DHX38: variants seen among roughly 807,000 people sequenced by gnomAD.
DHX38 encodes the protein pre-mRNA-splicing factor ATP-dependent RNA helicase PRP16.
A neutral mutation model predicts 153.1 loss-of-function variants in DHX38; 100 were observed. The ratio of observed to expected loss-of-function variants is 0.65; its 90% CI spans 0.56 to 0.77. The LOEUF (loss-of-function observed/expected upper bound fraction) is 0.77, where lower values mean the gene tolerates loss of function less well. DHX38 is among the 30% of genes least tolerant of loss of function. The pLI is 0.00. For synonymous variants in DHX38, 650 were observed against 631.7 expected (o/e 1.03, Z -0.43); for missense variants, 1,440 against 1,654.0 (o/e 0.87, Z 2.24).
rs1250200192 is a variant in DHX38, at chr16:72,107,205, G to T, written c.2601-135G>T. On this transcript the variant is annotated intron_variant, in intron 19 of 26. Coordinates refer to ENST00000268482, the MANE Select transcript of DHX38 (RefSeq NM_014003.4). The surrounding 1 kb of genome is among the most constrained non-coding windows in gnomAD (Gnocchi z 5.3). The stretch of plus-strand genomic sequence containing the variant: ...ATTGGCAGATTGGAGTTTTGAATAG[G>T]TGGAAGTCAGTGATTCACTGAAGTA... 3.8e-5 allele frequency: 34 copies of T among 894,030 alleles called. No individual in the cohort carries two copies. The highest frequency in any genetic ancestry group is 5.4e-5 in the Non-Finnish European group (32 of 593,904). 55.4% of individuals were successfully genotyped at this position (894,030 alleles called of 1,614,324 possible).
At chr16:72,103,425 A>G (rs936147192) in intron 12 of DHX38, among the ~76,000 whole-genome samples, 177 bp from the exon 13 acceptor site, 1 of 152,244 alleles carries the variant, frequency 6.6e-6, no homozygotes, top group African/African-American at 2.4e-5. Context: ...ACCGTATTCC[A>G]GATGTTTCAG....
chr16:72,103,846 T>C, intron 13 of DHX38, 58 bp downstream of exon 13: 2 of 1,596,124 alleles, frequency 1.3e-6, no homozygotes, highest in South Asian at 1.1e-5. Context: ...CCACCCATTT[T>C]TGCTAAAGGG....
At chr16:72,100,623 A>G in intron 9 of DHX38, 26 bp downstream of exon 9, 2 of 1,611,166 alleles carry the variant, frequency 1.2e-6, no homozygotes, top group Non-Finnish European at 1.7e-6. Flanking sequence ...GGCCAGGGAC[A>G]AGACAGCTCA....
rs978633672 is a variant in DHX38, at chr16:72,107,933, C to T, written c.2964+134C>T. The T allele has an allele frequency of 2.7e-5, 36 of 1,336,582 alleles. No homozygotes were observed. The highest frequency in any genetic ancestry group is 1.0e-4 in the Admixed American group (4 of 39,624). 82.8% of individuals were successfully genotyped at this position (1,336,582 alleles called of 1,614,324 possible). A position where few individuals can be genotyped will look rare whatever the true frequency, so the allele number is the denominator to read the frequency against. ...TTCTGAAGAATGATTTTGCTGTTCT[C>T]GGTTAAGCAGGTTGGGGTAGGGGAA... On this transcript the variant is annotated intron_variant, in intron 21 of 26. Coordinates refer to ENST00000268482, the MANE Select transcript of DHX38 (RefSeq NM_014003.4). This position sits in a 1 kb window ranked among gnomAD's most constrained non-coding sequence, Gnocchi z 5.3.
intron 19 of DHX38, 40 bp downstream of exon 19, chr16:72,106,157 G>A (rs751884565): frequency 9.4e-6 from 15 of 1,598,992 alleles, no homozygotes; most frequent in East Asian, 2.2e-5. Context: ...GGGCAGCGCT[G>A]GGGTTGCTGA....
intron 24 of DHX38, 46 bp downstream of exon 24, chr16:72,108,971 G>C (rs753403577): frequency 1.3e-6 from 2 of 1,544,146 alleles, no homozygotes; most frequent in South Asian, 1.3e-5. Context: ...CCCCTGTCTG[G>C]CCAGGCTTTG....
chr16:72,099,189 C>G lies in DHX38; in HGVS notation c.884-15C>G, dbSNP rs1379982617. 6.2e-7 allele frequency: 1 copy of G among 1,604,538 alleles called. No individual in the cohort carries two copies. The highest frequency in any genetic ancestry group is 8.5e-7 in the Non-Finnish European group (1 of 1,175,932). On this transcript the variant is annotated splice_polypyrimidine_tract_variant and intron_variant, in intron 6 of 26. Transcript: ENST00000268482. ...GGCCAGGGCATGGACTGACCTGCTTCCTGTGCTCCTCCAGGAAGACGTGAG... is the reference window on the plus strand; with the variant it reads ...GGCCAGGGCATGGACTGACCTGCTTGCTGTGCTCCTCCAGGAAGACGTGAG...
chr16:72,100,581 T>C lies in DHX38; in HGVS notation c.1262T>C (p.Ile421Thr). 7 of 1,613,828 alleles carry C rather than the reference T, an allele frequency of 4.3e-6. No homozygotes were observed. The highest frequency in any genetic ancestry group is 5.9e-6 in the Non-Finnish European group (7 of 1,179,940). ...GTGCCTCCCTTTCTGGATGGGCGCA[T>C]TGTCTTCACCAAGCAGGTGAGGCTC... is the stretch of plus-strand genomic sequence containing the variant. The part of the protein sequence containing the change: ...NLVPPFLDGR[I>T]VFTKQPEPVI... Residue 421 changes from isoleucine (I) to threonine (T), a missense_variant, in exon 9 of 27, where the codon ATT becomes ACT. Ile to Thr is a moderately conservative substitution (Grantham distance 89). Coordinates refer to ENST00000268482, the MANE Select transcript of DHX38 (RefSeq NM_014003.4).
intron 18 of DHX38, 104 bp downstream of exon 18, chr16:72,105,728 C>A: frequency 8.7e-7 from 1 of 1,150,996 alleles, no homozygotes; most frequent in Non-Finnish European, 1.3e-6. Context: ...ATGTGGGGAG[C>A]GCGTGGAAGT....
At chr16:72,108,762 T>A (rs1216169378) in intron 23 of DHX38, 38 bp from the exon 24 acceptor site, 1 of 1,605,712 alleles carries the variant, frequency 6.2e-7, no homozygotes, top group Non-Finnish European at 8.5e-7. Context: ...ATGGGTGTTG[T>A]TTTCCTGATG....
chr16:72,101,579 A>C lies in DHX38; in HGVS notation c.1466A>C (p.Lys489Thr). Residue 489 changes from lysine to threonine, a missense_variant, in exon 11 of 27, where the codon AAA becomes ACA. Transcript: ENST00000268482. The part of the protein sequence containing the change: ...MGVKKEEEPD[K>T]AVTEDGKVDY... ...GTCAAGAAGGAGGAAGAGCCAGATA[A>C]AGCTGTGACGGAGGATGGGAAGGTG... is the stretch of plus-strand genomic sequence containing the variant. 6.4e-7 allele frequency: 1 copy of C among 1,551,950 alleles called. No individual in the cohort carries two copies. Among genetic ancestry groups the C allele is most frequent in the Non-Finnish European group, 8.7e-7 (1 of 1,147,138 alleles).
Position 72,101,435 on chromosome 16 carries a change from G to A in DHX38, c.1387-65G>A. On this transcript the variant is annotated intron_variant, in intron 10 of 26. Transcript: ENST00000268482. ...CGGGGTGAAGTCTGCTCTCCCGTGGGATTGATTTTCCATTGCTCGCAGTCA... is the reference window on the plus strand; with the variant it reads ...CGGGGTGAAGTCTGCTCTCCCGTGGAATTGATTTTCCATTGCTCGCAGTCA... 4.1e-6 allele frequency: 6 copies of A among 1,479,234 alleles called. No homozygotes were observed. The South Asian group carries it at 7.4e-5, about 18-fold the overall frequency. 91.6% of individuals were successfully genotyped at this position (1,479,234 alleles called of 1,614,324 possible). A position where few individuals can be genotyped will look rare whatever the true frequency, so the allele number is the denominator to read the frequency against.
In DHX38 at chr16:72,112,688, G is replaced by A; in HGVS notation, c.*191G>A. On this transcript the variant is annotated 3_prime_UTR_variant, in exon 27 of 27. Transcript: ENST00000268482. ...TGGAGTTCTTCCATGCAGGAGCACG[G>A]CATGGCGGGAGCGGGGCTGCAGAGT... is the stretch of plus-strand genomic sequence containing the variant. The A allele has an allele frequency of 1.4e-6, 1 of 726,006 alleles. No homozygotes were observed. Among genetic ancestry groups the A allele is most frequent in the Admixed American group, 2.0e-5 (1 of 50,044 alleles). The allele number at this position is 726,006 out of a possible 1,614,324, so 45.0% of individuals were successfully genotyped here. A position where few individuals can be genotyped will look rare whatever the true frequency, so the allele number is the denominator to read the frequency against.
chr16:72,103,798 C>T lies in DHX38; in HGVS notation c.1824+10C>T, dbSNP rs753004365. 1.3e-5 allele frequency: 21 copies of T among 1,607,242 alleles called. No homozygotes were observed. The highest frequency in any genetic ancestry group is 4.5e-5 in the East Asian group (2 of 44,680). ...AAACCTTGGCGAGGAGGTGAGTGGG[C>T]GTGGGGGCTGAGCCATGTAGTTATT... is the stretch of plus-strand genomic sequence containing the variant. On this transcript the variant is annotated intron_variant, in intron 13 of 26. Transcript: ENST00000268482.
Position 72,110,952 on chromosome 16 carries a change from A to G in DHX38, c.3478-4A>G. ...GCTCAGCCAGGTCTGTCCCTCTTCA[A>G]TAGGAGAACCGTCGTCGGGCCAAAG... is the stretch of plus-strand genomic sequence containing the variant. On this transcript the variant is annotated splice_polypyrimidine_tract_variant and splice_region_variant and intron_variant, in intron 25 of 26. Coordinates refer to ENST00000268482, the MANE Select transcript of DHX38 (RefSeq NM_014003.4). 3.8e-6 allele frequency: 6 copies of G among 1,585,474 alleles called. No homozygotes were observed. Among genetic ancestry groups the G allele is most frequent in the Non-Finnish European group, 5.1e-6 (6 of 1,165,388 alleles).
Position 72,104,728 on chromosome 16 carries a change from G to A in DHX38, c.2151+102G>A, listed in dbSNP as rs987147054. 7 of 1,539,950 alleles carry A rather than the reference G, an allele frequency of 4.5e-6. No individual in the cohort carries two copies. Among genetic ancestry groups the A allele is most frequent in the Admixed American group, 3.5e-5 (2 of 56,942 alleles). ...AGGGTGGGTAGGGGACTGGGTTGGA[G>A]AAGATTTCCTGGGGACCATGGGGCA... On this transcript the variant is annotated intron_variant, in intron 15 of 26. Transcript: ENST00000268482. This position sits in a 1 kb window ranked among gnomAD's most constrained non-coding sequence, Gnocchi z 4.5.
In DHX38 at chr16:72,104,262, A is replaced by T. The variant is rs1210539719; in HGVS notation, c.2010+131A>T. 2 of 1,283,406 alleles carry T rather than the reference A, an allele frequency of 1.6e-6. No individual in the cohort carries two copies. Among genetic ancestry groups the T allele is most frequent in the Non-Finnish European group, 2.1e-6 (2 of 944,306 alleles). The allele number at this position is 1,283,406 out of a possible 1,614,324, so 79.5% of individuals were successfully genotyped here. On this transcript the variant is annotated intron_variant, in intron 14 of 26. Coordinates refer to ENST00000268482, the MANE Select transcript of DHX38 (RefSeq NM_014003.4). This position sits in a 1 kb window ranked among gnomAD's most constrained non-coding sequence, Gnocchi z 4.5. ...AGAGGTTCCTGAGGCCTCTGGTTGCAGTTCAGACTCGGGTTGTAGTTCATG... is the reference window on the plus strand; with the variant it reads ...AGAGGTTCCTGAGGCCTCTGGTTGCTGTTCAGACTCGGGTTGTAGTTCATG...
intron 1 of DHX38, among the ~76,000 whole-genome samples, chr16:72,095,449 A>G (rs1022167153): frequency 1.3e-5 from 2 of 152,226 alleles, no homozygotes; most frequent in South Asian, 2.1e-4. Flanking sequence ...GTGCTGCTGT[A>G]CCTGTTGTTT....
chr16:72,108,308 C>T lies in DHX38; in HGVS notation c.3046C>T (p.Leu1016=). Residue 1016 remains leucine, a synonymous_variant, in exon 22 of 27, where the codon CTG becomes TTG. Transcript: ENST00000268482. ...TCATTTGACCTACCTGAATGTTTAC[C>T]TGCAGTGGAAGAACAATAATTACTC... ...SDHLTYLNVY[L]QWKNNNYSTI... 6.2e-7 allele frequency: 1 copy of T among 1,614,158 alleles called. No individual in the cohort carries two copies. The highest frequency in any genetic ancestry group is 8.5e-7 in the Non-Finnish European group (1 of 1,180,044).
Sources: gnomAD v4.1 joint callset for allele counts (sites outside exome capture counted in the v4.1 genomes callset) on GRCh38, gnomAD v4.1.1 for gene constraint, Gnocchi (gnomAD v3.1) non-coding constraint, MANE v1.5 for transcripts, NCBI Gene and HGNC (gene_info 2026-07-23, HGNC 2026-07-21) for gene names.